Variants in PINX1 observed in about 807,000 individuals in gnomAD.
The protein encoded by PINX1 is PIN2/TERF1-interacting telomerase inhibitor 1.
PINX1 carries 34 observed loss-of-function variants against 25.4 expected under a neutral mutation model. The observed-to-expected ratio is 1.34, with a 90% CI of 1.02 to 1.78. The LOEUF is 1.78. Ranked by LOEUF, PINX1 falls within the 40% of genes most tolerant of loss-of-function variation. The probability of loss-of-function intolerance (pLI) is 0.00; values close to 1 mark genes in which losing one functional copy is unlikely to be tolerated. For synonymous variants in PINX1, 197 were observed against 147.7 expected, an observed-to-expected ratio of 1.33 and a Z score of -2.42; for missense variants, 592 against 404.9, an observed-to-expected ratio of 1.46 and a Z score of -3.97.
At chr8:10,788,283 T>G (rs1226815286) in intron 6 of PINX1, among the ~76,000 whole-genome samples, 3 of 152,158 alleles carry the variant, frequency 2.0e-5, no homozygotes. Context: ...GAATGTAGGC[T>G]AGACACAGTG....
chr8:10,787,073 T>G (rs1003630822), intron 6 of PINX1, among the ~76,000 whole-genome samples: 7 of 152,182 alleles, frequency 4.6e-5, no homozygotes, highest in African/African-American at 1.7e-4. Flanking sequence ...TTACCCAATT[T>G]TTCCCATGAG....
intron 6 of PINX1, among the ~76,000 whole-genome samples, chr8:10,779,061 T>TTGGAA (rs1801502500): frequency 6.6e-6 from 1 of 152,196 alleles, no homozygotes; most frequent in Non-Finnish European, 1.5e-5. Flanking sequence ...CGCTTCCATT[T>TTGGAA]TGGAATGGAG....
intron 6 of PINX1, among the ~76,000 whole-genome samples, chr8:10,819,787 T>C (rs951768238): frequency 2.0e-5 from 3 of 152,174 alleles, no homozygotes; most frequent in Non-Finnish European, 4.4e-5. Context: ...TTCTAGAGAA[T>C]GAAGGTGACA....
chr8:10,798,330 T>G (rs1336214684), intron 6 of PINX1, among the ~76,000 whole-genome samples: 2 of 152,210 alleles, frequency 1.3e-5, no homozygotes, highest in Non-Finnish European at 2.9e-5. Flanking sequence ...TACTTCAAGT[T>G]GACTTCCAGG....
chr8:10,804,405 CG>C (rs1296799916), intron 6 of PINX1, among the ~76,000 whole-genome samples: 1 of 152,016 alleles, frequency 6.6e-6, no homozygotes, highest in African/African-American at 2.4e-5. Flanking sequence ...AGAAGAGCCC[CG>C]GGAGGTCCGT....
intron 6 of PINX1, among the ~76,000 whole-genome samples, chr8:10,814,054 C>G (rs1264188817): frequency 1.3e-5 from 2 of 152,214 alleles, no homozygotes; most frequent in Non-Finnish European, 2.9e-5. Context: ...CCGGTCAGCA[C>G]AAGTACCTGC....
intron 4 of PINX1, among the ~76,000 whole-genome samples, chr8:10,828,533 C>T: frequency 6.6e-6 from 1 of 152,286 alleles, no homozygotes. Flanking sequence ...AGACATGACG[C>T]AGAGGCCACA....
At position 10,765,186 on chromosome 8, in the gene PINX1, G is replaced by A. The variant is rs914891066; in HGVS notation, c.*215C>T. The stretch of plus-strand genomic sequence containing the variant: ...AGAGTTTACAAAAAAATTTATTTGT[G>A]TCTGAGAGCCACGATTGAGAACATT... On this transcript the variant is annotated 3_prime_UTR_variant, in exon 7 of 7. Transcript: ENST00000314787. 1.9e-6 allele frequency: 1 copy of A among 532,436 alleles called. No homozygotes were observed. The highest frequency in any genetic ancestry group is 3.3e-6 in the Non-Finnish European group (1 of 305,086). 33.0% of individuals were successfully genotyped at this position (532,436 alleles called of 1,614,324 possible).
chr8:10,781,236 C>A (rs1429309510), intron 6 of PINX1, among the ~76,000 whole-genome samples: 6 of 152,084 alleles, frequency 3.9e-5, no homozygotes, highest in Non-Finnish European at 7.4e-5. Flanking sequence ...AGACCTAAAA[C>A]CATTAAACTC....
At chr8:10,776,083 T>C (rs973594913) in intron 6 of PINX1, among the ~76,000 whole-genome samples, 1 of 152,162 alleles carries the variant, frequency 6.6e-6, no homozygotes, top group African/African-American at 2.4e-5. Context: ...ATAGCCTAGA[T>C]AAGTCCATAG....
chr8:10,824,817 G>C (rs1247992542), intron 5 of PINX1, among the ~76,000 whole-genome samples: 1 of 152,198 alleles, frequency 6.6e-6, no homozygotes, highest in Non-Finnish European at 1.5e-5. Flanking sequence ...AGCACCTTCT[G>C]TGATCTCTAG....
intron 6 of PINX1, among the ~76,000 whole-genome samples, chr8:10,800,116 T>C (rs1802219536): frequency 1.3e-5 from 2 of 152,212 alleles, no homozygotes; most frequent in Non-Finnish European, 1.5e-5. Context: ...TTCTCAGTTT[T>C]GATGGAAATA....
chr8:10,784,407 C>A (rs1215256560), intron 6 of PINX1, among the ~76,000 whole-genome samples: 1 of 152,158 alleles, frequency 6.6e-6, no homozygotes, highest in African/African-American at 2.4e-5. Context: ...AAAGCTGATA[C>A]TCTACTTACA....
intron 5 of PINX1, 81 bp downstream of exon 5, chr8:10,826,071 T>C (rs1049952413): frequency 1.3e-5 from 9 of 717,928 alleles, no homozygotes; most frequent in South Asian, 1.2e-4. Flanking sequence ...AAGTCGCTAT[T>C]GGCCCAGAGC....
rs113388241 is a variant in PINX1 at position 10,809,858 on chromosome 8, A to G, written c.471+10335T>C. On this transcript the variant is annotated intron_variant, in intron 6 of 6. Coordinates refer to ENST00000314787, the MANE Select transcript of PINX1 (RefSeq NM_017884.6). ...TGTTAGTCTGTTTTTGTATTGCTAT[A>G]AAGAAATACGTGAGGCTGGGTAATT... is the stretch of plus-strand genomic sequence containing the variant. Among the ~76,000 whole-genome samples, 780 of 152,332 alleles carry G rather than the reference A, an allele frequency of 5.1e-3. 5 individuals are homozygous for G. Among genetic ancestry groups the G allele is most frequent in the African/African-American group, 0.018 (742 of 41,582 alleles).
At chr8:10,773,335 T>C (rs1801289556) in intron 6 of PINX1, among the ~76,000 whole-genome samples, 1 of 152,240 alleles carries the variant, frequency 6.6e-6, no homozygotes, top group Non-Finnish European at 1.5e-5. Flanking sequence ...CTGAACTGTG[T>C]CAGCAAGCAG....
intron 5 of PINX1, among the ~76,000 whole-genome samples, chr8:10,823,789 C>G (rs867886218): frequency 6.6e-5 from 10 of 152,296 alleles, no homozygotes; most frequent in African/African-American, 1.7e-4. Context: ...GACTGTTCCT[C>G]TGTGCTCCAG....
At position 10,805,390 on chromosome 8, in the gene PINX1, T is replaced by C. The variant is rs141008213; in HGVS notation, c.471+14803A>G. Among the ~76,000 whole-genome samples, 504 of 152,350 alleles carry C rather than the reference T, an allele frequency of 3.3e-3. 4 individuals are homozygous for C. The highest frequency in any genetic ancestry group is 5.8e-3 in the Non-Finnish European group (395 of 68,044). ...GGAATGGCATATTTCCATGATACACTTTAGACAACCAGAGTACTCGAAGAT... is the reference window on the plus strand; with the variant it reads ...GGAATGGCATATTTCCATGATACACCTTAGACAACCAGAGTACTCGAAGAT... On this transcript the variant is annotated intron_variant, in intron 6 of 6. Coordinates refer to ENST00000314787, the MANE Select transcript of PINX1 (RefSeq NM_017884.6).
Position 10,765,875 on chromosome 8 carries a change from C to T in PINX1, c.513G>A (p.Thr171=), listed in dbSNP as rs374083715. 202 of 1,613,814 alleles carry T rather than the reference C, an allele frequency of 1.3e-4. No homozygotes were observed. The African/African-American group carries it at 2.3e-3, about 18-fold the overall frequency. ...SPSTPEENET[T]TTSAFTIQEY... ...CCTGGATGGTGAAGGCGCTGGTTGT[C>T]GTGGTTTCGTTCTCCTCTGGAGTGG... The change falls in exon 7 of 7, where the codon ACG becomes ACA. Residue 171 remains threonine, a synonymous_variant. Transcript: ENST00000314787.
Sources: allele counts gnomAD v4.1 joint callset (sites outside exome capture counted in the v4.1 genomes callset), GRCh38; gene constraint gnomAD v4.1.1; transcripts MANE v1.5; gene names NCBI Gene and HGNC (gene_info 2026-07-23, HGNC 2026-07-21).